The following NXN variants were observed in gnomAD, a reference collection of about 807,000 sequenced individuals.
NXN encodes the protein nucleoredoxin.
In NXN, 16 loss-of-function variants were observed where a neutral mutation model predicts 48.6. The observed-to-expected ratio is 0.33, with a 90% confidence interval of 0.22 to 0.50. The LOEUF (loss-of-function observed/expected upper bound fraction) is 0.50. NXN is among the 20% of genes least tolerant of loss of function. NXN has a pLI of 0.98. For synonymous variants in NXN, 281 were observed against 269.6 expected (o/e 1.04, Z -0.41); for missense variants, 492 against 605.5 (o/e 0.81, Z 1.97).
chr17:884,223 A>AAAATAAATAAACAAATAAATAAAT lies in NXN; in HGVS notation c.361-58146_361-58145insATTTATTTATTTGTTTATTTATTT, dbSNP rs1390130633. ...GGGACTGAGCAAGACTCTGACTCAA[A>AAAATAAATAAACAAATAAATAAAT]AAATAAATAAATAAATAAATAAATA... On this transcript the variant is annotated intron_variant, in intron 1 of 7. Coordinates refer to ENST00000336868, the MANE Select transcript of NXN (RefSeq NM_022463.5). Among the ~76,000 whole-genome samples the AAAATAAATAAACAAATAAATAAAT allele has an allele frequency of 2.8e-5, 4 of 141,868 alleles. No individual in the cohort carries two copies. The South Asian group carries it at 7.2e-4, about 26-fold the overall frequency. 93.1% of individuals were successfully genotyped at this position (141,868 alleles called of 152,430 possible). A position where few individuals can be genotyped will look rare whatever the true frequency, so the allele number is the denominator to read the frequency against.
intron 1 of NXN, among the ~76,000 whole-genome samples, chr17:888,710 T>C (rs2068375359): frequency 6.6e-6 from 1 of 150,942 alleles, no homozygotes; most frequent in Admixed American, 6.7e-5. Flanking sequence ...ATCCCAGCAC[T>C]TTGGGAGGCC....
chr17:878,196 AG>A (rs1194381391), intron 1 of NXN: 1 of 151,772 alleles, frequency 6.6e-6, no homozygotes, highest in African/African-American at 2.4e-5. Context: ...AGCTGACATT[AG>A]TACACAACCT....
intron 7 of NXN, among the ~76,000 whole-genome samples, chr17:801,650 G>A (rs1418970752): frequency 1.3e-5 from 2 of 151,998 alleles, no homozygotes; most frequent in African/African-American, 4.8e-5. Flanking sequence ...CACCATGTTG[G>A]TCAGGCTGGT....
chr17:977,181 G>C (rs2069470992), intron 1 of NXN, among the ~76,000 whole-genome samples: 2 of 152,278 alleles, frequency 1.3e-5, no homozygotes, highest in Admixed American at 6.5e-5. Context: ...GATCTTGAGT[G>C]GTTTGTTCAC....
chr17:883,088 C>T (rs1468456500), intron 1 of NXN, among the ~76,000 whole-genome samples: 1 of 152,124 alleles, frequency 6.6e-6, no homozygotes, highest in Non-Finnish European at 1.5e-5. Context: ...TGTGTAGTGG[C>T]GTGCACCTCG....
chr17:860,372 C>T (rs1365325319), intron 1 of NXN, among the ~76,000 whole-genome samples: 691 of 111,084 alleles, frequency 6.2e-3, no homozygotes, highest in African/African-American at 0.024. Flanking sequence ...GATCCACCCA[C>T]CTTGGCCTCC....
At chr17:906,586 T>G (rs1000084999) in intron 1 of NXN, among the ~76,000 whole-genome samples, 1 of 125,830 alleles carries the variant, frequency 7.9e-6, no homozygotes, top group Non-Finnish European at 1.7e-5. Flanking sequence ...TTTTTTTTTT[T>G]GAGACAGTCT....
At chr17:837,421 C>G (rs1322394823) in intron 1 of NXN, among the ~76,000 whole-genome samples, 2 of 152,198 alleles carry the variant, frequency 1.3e-5, no homozygotes, top group Admixed American at 6.5e-5. Flanking sequence ...GCCTAGTATA[C>G]CTGCTGGCCA....
At chr17:879,296 T>G (rs1013839081) in intron 1 of NXN, among the ~76,000 whole-genome samples, 4 of 120,660 alleles carry the variant, frequency 3.3e-5, no homozygotes, top group African/African-American at 7.8e-5. Context: ...TGGTTTTTTG[T>G]TTTTTTTTTT....
rs1311401120 is a variant in NXN, at chr17:849,193, T to C, written c.361-23115A>G. On this transcript the variant is annotated intron_variant, in intron 1 of 7. Transcript: ENST00000336868. This position sits in a 1 kb window ranked among gnomAD's most constrained non-coding sequence, Gnocchi z 4.2. ...GCTTGATCTAAGACCAATCACGCTC[T>C]CTCCTGGAAGTTCAGAAAGTGGATA... Among the ~76,000 whole-genome samples the C allele has an allele frequency of 1.3e-5, 2 of 152,012 alleles. No homozygotes were observed. Among genetic ancestry groups the C allele is most frequent in the Non-Finnish European group, 2.9e-5 (2 of 67,996 alleles).
chr17:876,782 G>T (rs572674824), intron 1 of NXN, among the ~76,000 whole-genome samples: 1 of 152,102 alleles, frequency 6.6e-6, no homozygotes, highest in Non-Finnish European at 1.5e-5. Flanking sequence ...GGGGGCTCAC[G>T]CCTGGAATCC....
rs775566999 is a variant in NXN, at chr17:962,268, A to C, written c.360+17051T>G. ...ATACATTCCTGAGACACTGCAGGTG[A>C]ATTTTCCTAAGCAGAGGCAATCACA... On this transcript the variant is annotated intron_variant, in intron 1 of 7. Coordinates refer to ENST00000336868, the MANE Select transcript of NXN (RefSeq NM_022463.5). Among the ~76,000 whole-genome samples the C allele has an allele frequency of 1.7e-4, 26 of 152,304 alleles. No individual in the cohort carries two copies. The Middle Eastern group carries it at 0.01, about 60-fold the overall frequency.
chr17:855,852 A>G (rs1282130440), intron 1 of NXN, among the ~76,000 whole-genome samples: 1 of 152,154 alleles, frequency 6.6e-6, no homozygotes, highest in Non-Finnish European at 1.5e-5. Context: ...GATTCCTGTC[A>G]TGGGACAGGC....
At chr17:854,532 G>T (rs1375703848) in intron 1 of NXN, among the ~76,000 whole-genome samples, 2 of 151,688 alleles carry the variant, frequency 1.3e-5, no homozygotes, top group Non-Finnish European at 2.9e-5. Flanking sequence ...GCGGGCACCT[G>T]TAGTCCCAGC....
intron 1 of NXN, among the ~76,000 whole-genome samples, chr17:931,448 T>C (rs2150597085): frequency 6.9e-6 from 1 of 145,154 alleles, no homozygotes; most frequent in East Asian, 2.1e-4. Flanking sequence ...CAAGGCCCTG[T>C]CTCAAAAAAA....
chr17:870,917 G>A (rs1401321871), intron 1 of NXN, among the ~76,000 whole-genome samples: 1 of 151,658 alleles, frequency 6.6e-6, no homozygotes, highest in Non-Finnish European at 1.5e-5. Context: ...GGAGTGCAGT[G>A]GTGCGATCTC....
chr17:925,581 G>T (rs2068790829), intron 1 of NXN, among the ~76,000 whole-genome samples: 1 of 152,174 alleles, frequency 6.6e-6, no homozygotes, highest in South Asian at 2.1e-4. Context: ...TAGAGACGGG[G>T]TTTCACCATG....
chr17:847,656 T>A (rs529699574), intron 1 of NXN, among the ~76,000 whole-genome samples: 1 of 152,078 alleles, frequency 6.6e-6, no homozygotes, highest in Non-Finnish European at 1.5e-5. Context: ...AAGATGCCTT[T>A]ATATAGAAAC....
Position 875,538 on chromosome 17 carries a change from G to T in NXN, c.361-49460C>A, listed in dbSNP as rs181891083. 1.5e-3 allele frequency among the ~76,000 whole-genome samples: 234 copies of T among 152,230 alleles called. 3 individuals carry two copies. Among genetic ancestry groups the T allele is most frequent in the Non-Finnish European group, 2.6e-3 (175 of 68,012 alleles). Reference sequence around the variant, plus strand: ...TTGCCTCACTACACACTTAAGAGCAGAAGATCGAATCAGACTAGTGTGAAA... The same window carrying T: ...TTGCCTCACTACACACTTAAGAGCATAAGATCGAATCAGACTAGTGTGAAA... On this transcript the variant is annotated intron_variant, in intron 1 of 7. Transcript: ENST00000336868.
Sources: gnomAD v4.1 joint callset for allele counts (sites outside exome capture counted in the v4.1 genomes callset) on GRCh38, gnomAD v4.1.1 for gene constraint, Gnocchi (gnomAD v3.1) non-coding constraint, MANE v1.5 for transcripts, NCBI Gene and HGNC (gene_info 2026-07-23, HGNC 2026-07-21) for gene names.